Variants in TES observed in about 807,000 individuals in gnomAD.
TES encodes testin.
Under a neutral mutation model 48.2 loss-of-function variants are expected in TES, and 41 were observed. The observed-to-expected ratio is 0.85, with a 90% confidence interval of 0.66 to 1.10. The LOEUF is 1.10. Among genes scored for constraint, TES ranks in the 50% least tolerant of loss-of-function variants. TES has a pLI of 0.00. For synonymous variants in TES, 162 were observed against 174.9 expected, an observed-to-expected ratio of 0.93 and a Z score of 0.58; for missense variants, 463 against 515.1, an observed-to-expected ratio of 0.90 and a Z score of 0.98.
intron 2 of TES, among the ~76,000 whole-genome samples, chr7:116,239,415 T>G (rs1422686503): frequency 6.6e-6 from 1 of 152,224 alleles, no homozygotes; most frequent in Non-Finnish European, 1.5e-5. Flanking sequence ...CACAGCACTG[T>G]ATGTACCTGA....
intron 4 of TES, 167 bp from the exon 5 acceptor site, chr7:116,251,593 G>A (rs181629418): frequency 0.015 from 9,391 of 639,000 alleles, 115 homozygotes; most frequent in Middle Eastern, 0.021. Context: ...TGAGGCAGGA[G>A]AACGGCGTGA....
rs1467637668 is a variant in TES, at chr7:116,258,593, T to C, written c.*1111T>C. ...TTGCATGGTTTTTATTCTTTCCTAATGGATCCTGTTTTATAATACTTCCAA... is the reference window on the plus strand; with the variant it reads ...TTGCATGGTTTTTATTCTTTCCTAACGGATCCTGTTTTATAATACTTCCAA... On this transcript the variant is annotated 3_prime_UTR_variant, in exon 7 of 7. Transcript: ENST00000358204. The C allele has an allele frequency of 6.6e-6, 1 of 152,666 alleles. No homozygotes were observed. The highest frequency in any genetic ancestry group is 2.4e-5 in the African/African-American group (1 of 41,466). The allele number at this position is 152,666 out of a possible 1,614,324, so 9.5% of individuals were successfully genotyped here.
At chr7:116,219,084 G>A (rs904552985) in intron 1 of TES, among the ~76,000 whole-genome samples, 7 of 152,086 alleles carry the variant, frequency 4.6e-5, no homozygotes, top group Admixed American at 1.3e-4. Flanking sequence ...CTTAGAAGCA[G>A]AAGTAACTAA....
At chr7:116,235,651 C>T (rs981698988) in intron 2 of TES, among the ~76,000 whole-genome samples, 2 of 152,000 alleles carry the variant, frequency 1.3e-5, no homozygotes, top group Middle Eastern at 3.2e-3. Context: ...TGGTAATTCA[C>T]AAGTCTGCTC....
rs778444162 is a variant in TES at position 116,234,630 on chromosome 7, GA to G, written c.113+15del. On this transcript the variant is annotated intron_variant, in intron 2 of 6. Coordinates refer to ENST00000358204, the MANE Select transcript of TES (RefSeq NM_015641.4). ...ACTGCACTTCTGGAGGTATTGTTTT[GA>G]AAACTGCAACCACATTAGTAATTTA... 1.9e-6 allele frequency: 3 copies of G among 1,608,214 alleles called. No homozygotes were observed. In the East Asian group the frequency reaches 6.7e-5, roughly 36 times the overall value.
chr7:116,237,121 CAA>C (rs1799781983), intron 2 of TES, among the ~76,000 whole-genome samples: 1 of 152,132 alleles, frequency 6.6e-6, no homozygotes, highest in Non-Finnish European at 1.5e-5. Flanking sequence ...CTGAGTGTAA[CAA>C]AGATTCCAGG....
At chr7:116,254,027 T>A (rs1318777560) in intron 6 of TES, among the ~76,000 whole-genome samples, 1 of 151,754 alleles carries the variant, frequency 6.6e-6, no homozygotes, top group Non-Finnish European at 1.5e-5. Flanking sequence ...CGCTTTGGGG[T>A]TACCATGGTC....
intron 2 of TES, among the ~76,000 whole-genome samples, chr7:116,238,581 C>CCAT (rs201920723): frequency 8.3e-5 from 9 of 108,650 alleles, no homozygotes; most frequent in African/African-American, 2.8e-4. Flanking sequence ...AACTCAACAT[C>CCAT]CATCATTATT....
At chr7:116,249,901 T>G (rs1348905655) in intron 3 of TES, 3 of 323,704 alleles carry the variant, frequency 9.3e-6, no homozygotes, top group Non-Finnish European at 1.7e-5. Flanking sequence ...TTTATTTAGC[T>G]TAAGTAAACA....
intron 5 of TES, 137 bp from the exon 6 acceptor site, chr7:116,252,181 T>G: frequency 9.4e-7 from 1 of 1,060,154 alleles, no homozygotes; most frequent in Non-Finnish European, 1.3e-6. Context: ...AAGATTGATT[T>G]AGACTAAACT....
At chr7:116,254,460 G>A (rs1307745213) in intron 6 of TES, among the ~76,000 whole-genome samples, 1 of 152,060 alleles carries the variant, frequency 6.6e-6, no homozygotes, top group Non-Finnish European at 1.5e-5. Flanking sequence ...TTTTGGCCAG[G>A]CATGGTGGCT....
In TES at chr7:116,257,530, G is replaced by T; in HGVS notation, c.*48G>T. On this transcript the variant is annotated 3_prime_UTR_variant, in exon 7 of 7. Coordinates refer to ENST00000358204, the MANE Select transcript of TES (RefSeq NM_015641.4). ...GAGCCATAGCTATCCAAAGTGGTCTGCATTTCTACTGTAAAATGCAATTTG... is the reference window on the plus strand; with the variant it reads ...GAGCCATAGCTATCCAAAGTGGTCTTCATTTCTACTGTAAAATGCAATTTG... The T allele has an allele frequency of 7.5e-7, 1 of 1,339,208 alleles. No homozygotes were observed. The highest frequency in any genetic ancestry group is 9.8e-7 in the Non-Finnish European group (1 of 1,024,204). 83.0% of individuals were successfully genotyped at this position (1,339,208 alleles called of 1,614,324 possible).
intron 1 of TES, among the ~76,000 whole-genome samples, chr7:116,229,879 ATTGT>A (rs1799675361): frequency 6.6e-6 from 1 of 152,184 alleles, no homozygotes; most frequent in Admixed American, 6.5e-5. Flanking sequence ...TTGGAAAGGC[ATTGT>A]TTTTGTTTCC....
rs1260153962 is a variant in TES, at chr7:116,252,366, C to G, written c.967C>G (p.Leu323Val). ...CCAGGCAGAAAACCAGAATTGGCAC[C>G]TGAAACACTTCTGCTGCTTTGACTG... ...YTQAENQNWH[L>V]KHFCCFDCDS... Residue 323 changes from leucine to valine, a missense_variant, in exon 6 of 7, where the codon CTG becomes GTG. By Grantham distance (32) the Leu-to-Val change is conservative (BLOSUM62 1). Coordinates refer to ENST00000358204, the MANE Select transcript of TES (RefSeq NM_015641.4). The G allele has an allele frequency of 3.1e-6, 5 of 1,614,000 alleles. No individual in the cohort carries two copies. Among genetic ancestry groups the G allele is most frequent in the Non-Finnish European group, 2.5e-6 (3 of 1,179,888 alleles).
At position 116,254,546 on chromosome 7, in the gene TES, C is replaced by T. The variant is rs201860363; in HGVS notation, c.1077+2070C>T. The stretch of plus-strand genomic sequence containing the variant: ...GTCAGGAGTTCGAGACCAGCCTGGC[C>T]AACATGGTGAAACCCCGTCTCTATT... On this transcript the variant is annotated intron_variant, in intron 6 of 6. Transcript: ENST00000358204. 7.2e-5 allele frequency among the ~76,000 whole-genome samples: 11 copies of T among 152,036 alleles called. No homozygotes were observed. In the East Asian group the frequency reaches 1.2e-3, roughly 16 times the overall value.
chr7:116,254,217 A>ATCAGGGCAGGGATTTTTTT (rs1234625012), intron 6 of TES, among the ~76,000 whole-genome samples: 3 of 152,062 alleles, frequency 2.0e-5, no homozygotes, highest in Admixed American at 2.0e-4. Context: ...ATGTAACTCC[A>ATCAGGGCAGGGATTTTTTT]TCAGGGCAGG....
intron 6 of TES, among the ~76,000 whole-genome samples, chr7:116,254,506 T>C (rs541709523): frequency 6.6e-5 from 10 of 152,064 alleles, no homozygotes; most frequent in African/African-American, 2.4e-4. Context: ...GAGGCCAAGG[T>C]GGGCGAATCA....
chr7:116,229,659 T>C (rs770093143), intron 1 of TES, among the ~76,000 whole-genome samples: 2 of 152,222 alleles, frequency 1.3e-5, no homozygotes, highest in African/African-American at 4.8e-5. Flanking sequence ...TCATCTGATA[T>C]GCATTTGACT....
chr7:116,257,990 T>C lies in TES; in HGVS notation c.*508T>C, dbSNP rs1038228037. The C allele has an allele frequency of 4.6e-5, 7 of 152,540 alleles. No individual in the cohort carries two copies. The highest frequency in any genetic ancestry group is 1.7e-4 in the African/African-American group (7 of 41,466). 9.4% of individuals were successfully genotyped at this position (152,540 alleles called of 1,614,324 possible). ...TGACAAAGAGAAATGCAGTGTAGTA[T>C]GCAGAGCTGCTGTTTTAATGCCTAT... On this transcript the variant is annotated 3_prime_UTR_variant, in exon 7 of 7. Transcript: ENST00000358204.
Sources: gnomAD v4.1 joint callset for allele counts (sites outside exome capture counted in the v4.1 genomes callset) on GRCh38, gnomAD v4.1.1 for gene constraint, MANE v1.5 for transcripts, NCBI Gene and HGNC (gene_info 2026-07-23, HGNC 2026-07-21) for gene names.